RGS20: variants seen among roughly 807,000 people sequenced by gnomAD.
RGS20 encodes the protein regulator of G protein signaling 20, also known as gz-selective GTPase-activating protein.
RGS20 carries 30 observed loss-of-function variants against 33.6 expected under a neutral mutation model. The ratio of observed to expected loss-of-function variants is 0.89; its 90% CI spans 0.67 to 1.21. The LOEUF is 1.21. Ranked by LOEUF, RGS20 falls within the 50% of genes most tolerant of loss-of-function variation. RGS20 has a pLI of 0.00. For synonymous variants in RGS20, 208 were observed against 197.9 expected (o/e 1.05, Z -0.43); for missense variants, 472 against 502.4 (o/e 0.94, Z 0.58).
At chr8:53,904,983 C>G (rs1415446539) in intron 2 of RGS20, among the ~76,000 whole-genome samples, 1 of 152,136 alleles carries the variant, frequency 6.6e-6, no homozygotes, top group East Asian at 1.9e-4. Context: ...AGTCTTAAAG[C>G]CTTCACTGGC....
rs565091077 is a variant in RGS20 at position 53,857,916 on chromosome 8, A to G, written c.165+5852A>G. Among the ~76,000 whole-genome samples, 40 of 152,354 alleles carry G rather than the reference A, an allele frequency of 2.6e-4. No homozygotes were observed. The South Asian group carries it at 7.5e-3, about 28-fold the overall frequency. ...TCTCATCACAAAAAAAAAATAGATG[A>G]GATGATGGATATGTTAGCTTTATTT... On this transcript the variant is annotated intron_variant, in intron 1 of 5. Coordinates refer to ENST00000297313, the MANE Select transcript of RGS20 (RefSeq NM_170587.4).
intron 1 of RGS20, among the ~76,000 whole-genome samples, chr8:53,858,518 C>T (rs1811734189): frequency 6.6e-6 from 1 of 151,498 alleles, no homozygotes; most frequent in Non-Finnish European, 1.5e-5. Flanking sequence ...ACACACACAT[C>T]CTTTTAAAAA....
chr8:53,892,954 G>T (rs904875213), intron 2 of RGS20, among the ~76,000 whole-genome samples: 3 of 152,054 alleles, frequency 2.0e-5, no homozygotes, highest in African/African-American at 7.2e-5. Context: ...CCTAATCTTT[G>T]TCACTTGTAG....
intron 2 of RGS20, among the ~76,000 whole-genome samples, chr8:53,908,637 T>A (rs1397576432): frequency 7.7e-6 from 1 of 130,014 alleles, no homozygotes; most frequent in Admixed American, 7.0e-5. Flanking sequence ...TGAAACTCCA[T>A]CTCAAAAAAA....
chr8:53,946,034 T>C lies in RGS20; in HGVS notation c.660-631T>C, dbSNP rs548767005. Among the ~76,000 whole-genome samples the C allele has an allele frequency of 1.1e-3, 172 of 152,332 alleles. 1 individual carries two copies. Among genetic ancestry groups the C allele is most frequent in the African/African-American group, 4.0e-3 (165 of 41,578 alleles). On this transcript the variant is annotated intron_variant, in intron 3 of 5. Transcript: ENST00000297313. ...AATGTGTATAAGAAAACAAACTCTT[T>C]AGAGAAATACAATAGATTTTGATTA...
chr8:53,955,220 T>G (rs1041712405), intron 5 of RGS20, among the ~76,000 whole-genome samples: 18 of 151,240 alleles, frequency 1.2e-4, no homozygotes, highest in African/African-American at 4.4e-4. Context: ...TGCAGAGGGC[T>G]CCAAGTGTCC....
rs1223824578 is a variant in RGS20 at position 53,877,721 on chromosome 8, G to A, written c.166-1537G>A. On this transcript the variant is annotated intron_variant, in intron 1 of 5. Coordinates refer to ENST00000297313, the MANE Select transcript of RGS20 (RefSeq NM_170587.4). This position sits in a 1 kb window ranked among gnomAD's most constrained non-coding sequence, Gnocchi z 5.7. Reference sequence around the variant, plus strand: ...CCATTCTCCAGGAAAAGGTAATGAGGGGAAGTGAAACAGTGTGAACTTACT... The same window carrying A: ...CCATTCTCCAGGAAAAGGTAATGAGAGGAAGTGAAACAGTGTGAACTTACT... Among the ~76,000 whole-genome samples the A allele has an allele frequency of 6.6e-6, 1 of 152,194 alleles. No homozygotes were observed. The highest frequency in any genetic ancestry group is 1.5e-5 in the Non-Finnish European group (1 of 68,032).
At chr8:53,913,946 C>T (rs1253830390) in intron 2 of RGS20, 8 of 152,122 alleles carry the variant, frequency 5.3e-5, no homozygotes, top group African/African-American at 1.7e-4. Context: ...TTACTGAGCT[C>T]TGGCACCATG....
intron 2 of RGS20, among the ~76,000 whole-genome samples, chr8:53,902,845 C>T (rs1255225784): frequency 1.3e-5 from 2 of 152,188 alleles, no homozygotes; most frequent in Non-Finnish European, 2.9e-5. Context: ...CCTGCCTCAG[C>T]TTCCCGAGTA....
intron 2 of RGS20, among the ~76,000 whole-genome samples, chr8:53,898,085 G>A (rs1812917921): frequency 6.6e-6 from 1 of 152,114 alleles, no homozygotes; most frequent in African/African-American, 2.4e-5. Flanking sequence ...GATGGCTGTG[G>A]GGCTGGATCC....
chr8:53,871,073 T>C (rs1315547063), intron 1 of RGS20, among the ~76,000 whole-genome samples: 1 of 132,160 alleles, frequency 7.6e-6, no homozygotes, highest in Non-Finnish European at 1.5e-5. Context: ...ATCGTGCCAC[T>C]GTATTCCAGC....
chr8:53,873,300 C>T (rs1380276157), intron 1 of RGS20, among the ~76,000 whole-genome samples: 1 of 152,168 alleles, frequency 6.6e-6, no homozygotes, highest in Non-Finnish European at 1.5e-5. Flanking sequence ...TGATAAATGA[C>T]CCAGTCTCAG....
chr8:53,904,570 T>G (rs879841359), intron 2 of RGS20, among the ~76,000 whole-genome samples: 2 of 152,250 alleles, frequency 1.3e-5, no homozygotes, highest in Non-Finnish European at 2.9e-5. Context: ...CTGGCCATTC[T>G]CATGCAAACC....
At chr8:53,868,358 G>T (rs1811966314) in intron 1 of RGS20, among the ~76,000 whole-genome samples, 1 of 152,140 alleles carries the variant, frequency 6.6e-6, no homozygotes, top group Non-Finnish European at 1.5e-5. Flanking sequence ...AGTTAACAAT[G>T]ACTATGTCTC....
At chr8:53,873,658 A>G (rs948315855) in intron 1 of RGS20, among the ~76,000 whole-genome samples, 1 of 152,222 alleles carries the variant, frequency 6.6e-6, no homozygotes, top group African/African-American at 2.4e-5. Flanking sequence ...CCACCCAAGC[A>G]CTTTTCTAGA....
intron 2 of RGS20, chr8:53,879,767 C>T (rs1812305357): frequency 7.4e-6 from 4 of 543,422 alleles, no homozygotes; most frequent in Non-Finnish European, 1.2e-5. Flanking sequence ...TAGGACGGGA[C>T]ATTGGCGGCT....
intron 3 of RGS20, chr8:53,946,411 C>T: frequency 2.5e-6 from 1 of 406,894 alleles, no homozygotes; most frequent in East Asian, 5.0e-5. Flanking sequence ...AATCATTATT[C>T]TAAGTATAAT....
chr8:53,958,198 C>A (rs1468806038), intron 5 of RGS20, 72 bp from the exon 5 acceptor site: 18 of 1,108,878 alleles, frequency 1.6e-5, no homozygotes, highest in Non-Finnish European at 2.0e-5. Flanking sequence ...AAAATCCCCA[C>A]AAGCTCTAGG....
chr8:53,927,951 A>ATTATCTTT (rs1813850537), intron 2 of RGS20, among the ~76,000 whole-genome samples: 1 of 152,172 alleles, frequency 6.6e-6, no homozygotes, highest in South Asian at 2.1e-4. Context: ...TAAAAGAATA[A>ATTATCTTT]TTATCTTTTA....
Sources: gnomAD v4.1 joint callset for allele counts (sites outside exome capture counted in the v4.1 genomes callset) on GRCh38, gnomAD v4.1.1 for gene constraint, Gnocchi (gnomAD v3.1) non-coding constraint, MANE v1.5 for transcripts, NCBI Gene and HGNC (gene_info 2026-07-23, HGNC 2026-07-21) for gene names.